Variants in PCDH12 observed in about 807,000 individuals in gnomAD.
PCDH12 encodes the protein protocadherin 12, also known as protocadherin-12.
PCDH12 carries 45 observed loss-of-function variants against 70.9 expected under a neutral mutation model. The observed-to-expected ratio is 0.63, with a 90% confidence interval of 0.50 to 0.81. PCDH12 has a LOEUF of 0.81. Among genes scored for constraint, PCDH12 ranks in the 40% least tolerant of loss-of-function variants. The pLI, the probability that PCDH12 is intolerant of heterozygous loss-of-function variation, is 0.00. For synonymous variants in PCDH12, 567 were observed against 626.0 expected (o/e 0.91, Z 1.41); for missense variants, 1,370 against 1,491.7 (o/e 0.92, Z 1.34).
chr5:141,948,797 TC>T (rs1393023312), intron 3 of PCDH12, among the ~76,000 whole-genome samples: 6 of 152,170 alleles, frequency 3.9e-5, no homozygotes, highest in Non-Finnish European at 8.8e-5. Context: ...GTAATAATTA[TC>T]TACTTGAGGG....
intron 2 of PCDH12, among the ~76,000 whole-genome samples, chr5:141,949,876 C>T (rs567509285): frequency 6.6e-6 from 1 of 152,314 alleles, no homozygotes; most frequent in African/African-American, 2.4e-5. Flanking sequence ...AAGCACTCAG[C>T]AGACAGAAGT....
rs1471686946 is a variant in PCDH12, at chr5:141,944,412, A to G, written c.*969T>C. 6.6e-6 allele frequency: 1 copy of G among 152,262 alleles called. No individual in the cohort carries two copies. Among genetic ancestry groups the G allele is most frequent in the Non-Finnish European group, 1.5e-5 (1 of 68,098 alleles). 9.4% of individuals were successfully genotyped at this position (152,262 alleles called of 1,614,324 possible). ...TGGCTTTGGAAATGTTCCTTTCAAC[A>G]GTGTTTCCCGAGGGAGCTCGAGCAA... On this transcript the variant is annotated 3_prime_UTR_variant, in exon 4 of 4. Coordinates refer to ENST00000231484, the MANE Select transcript of PCDH12 (RefSeq NM_016580.4).
At chr5:141,948,940 C>T (rs182925946) in intron 3 of PCDH12, among the ~76,000 whole-genome samples, 260 of 151,896 alleles carry the variant, frequency 1.7e-3, no homozygotes, top group Non-Finnish European at 3.2e-3. Flanking sequence ...GCTTTGATTA[C>T]AGGTGGCTCA....
Position 141,955,094 on chromosome 5 carries a change from C to G in PCDH12, c.2758G>C (p.Val920Leu). The part of the protein sequence containing the change: ...LRRQRHLNGK[V>L]SPEKESGPRQ... ...GGCCCTGATTCTTTCTCAGGGGACA[C>G]TTTGCCATTGAGATGTCGCTGCCGT... Residue 920 changes from valine (V) to leucine (L), a missense_variant, in exon 1 of 4, where the codon GTG (valine) becomes CTG (leucine). By Grantham distance (32) the Val-to-Leu change is conservative. Coordinates refer to ENST00000231484, the MANE Select transcript of PCDH12 (RefSeq NM_016580.4). This position sits in a 1 kb window ranked among gnomAD's most constrained non-coding sequence, Gnocchi z 5.5. 6 of 1,614,246 alleles carry G rather than the reference C, an allele frequency of 3.7e-6. No homozygotes were observed. The highest frequency in any genetic ancestry group is 5.1e-6 in the Non-Finnish European group (6 of 1,180,056).
intron 2 of PCDH12, among the ~76,000 whole-genome samples, chr5:141,949,930 C>A (rs953147131): frequency 6.6e-6 from 1 of 152,172 alleles, no homozygotes. Flanking sequence ...CCTCCCATGT[C>A]TAGGTATTGC....
rs1752887905 is a variant in PCDH12 at position 141,945,450 on chromosome 5, C to T, written c.3486G>A (p.Gly1162=). Reference sequence around the variant, plus strand: ...CAGTCCCCGTCTTTCCACCTGGGTCCCCTTGCACTTTCATGCCTGAGGCTG... The same window carrying T: ...CAGTCCCCGTCTTTCCACCTGGGTCTCCTTGCACTTTCATGCCTGAGGCTG... The part of the protein sequence containing the change: ...TSAASGMKVQ[G]DPGGKTGTEG... Residue 1162 remains glycine (G), a synonymous_variant, in exon 4 of 4, where the codon GGG becomes GGA. Transcript: ENST00000231484. The T allele has an allele frequency of 2.5e-6, 4 of 1,613,320 alleles. No individual in the cohort carries two copies. The highest frequency in any genetic ancestry group is 3.4e-6 in the Non-Finnish European group (4 of 1,179,686).
chr5:141,954,269 G>T (rs1561535497), intron 1 of PCDH12, among the ~76,000 whole-genome samples: 1 of 152,274 alleles, frequency 6.6e-6, no homozygotes, highest in East Asian at 1.9e-4. Context: ...GAAAGCTCTG[G>T]GGTCTCAGAC....
In PCDH12 at chr5:141,956,932, C is replaced by A; in HGVS notation, c.920G>T (p.Arg307Leu). The A allele has an allele frequency of 6.2e-7, 1 of 1,614,106 alleles. No individual in the cohort carries two copies. Among genetic ancestry groups the A allele is most frequent in the Non-Finnish European group, 8.5e-7 (1 of 1,180,000 alleles). The change falls in exon 1 of 4, where the codon CGT becomes CTT. Residue 307 changes from arginine to leucine, a missense_variant. Physicochemically the swap from Arg to Leu is moderately radical, Grantham distance 102 (BLOSUM62 -2). Transcript: ENST00000231484. ...GTTCTTTTCATAGTCTAGAGGTCGACGCAGAATGACCTGGCCTGTCTTGGC... is the reference window on the plus strand; with the variant it reads ...GTTCTTTTCATAGTCTAGAGGTCGAAGCAGAATGACCTGGCCTGTCTTGGC... The part of the protein sequence containing the change: ...IDAKTGQVIL[R>L]RPLDYEKNPA...
intron 3 of PCDH12, among the ~76,000 whole-genome samples, chr5:141,947,809 C>T (rs111790700): frequency 0.028 from 4,206 of 152,258 alleles, 206 homozygotes; most frequent in African/African-American, 0.096. Context: ...GGCAGTCCAG[C>T]CTGTGAGCAG....
chr5:141,947,694 A>G (rs969192538), intron 3 of PCDH12, among the ~76,000 whole-genome samples: 32 of 152,198 alleles, frequency 2.1e-4, no homozygotes, highest in Non-Finnish European at 2.8e-4. Context: ...CAACCAGGAA[A>G]ACATTATCAT....
chr5:141,944,874 C>G lies in PCDH12; in HGVS notation c.*507G>C, dbSNP rs952733858. ...AAGGTGCCCCACTCCTGTCCAGGCCCAGTGTGACGGTCTTGCCAGGGATTG... is the reference window on the plus strand; with the variant it reads ...AAGGTGCCCCACTCCTGTCCAGGCCGAGTGTGACGGTCTTGCCAGGGATTG... On this transcript the variant is annotated 3_prime_UTR_variant, in exon 4 of 4. Transcript: ENST00000231484. The G allele has an allele frequency of 6.3e-6, 1 of 159,104 alleles. No homozygotes were observed. The highest frequency in any genetic ancestry group is 1.4e-5 in the Non-Finnish European group (1 of 72,418). The allele number at this position is 159,104 out of a possible 1,614,324, so 9.9% of individuals were successfully genotyped here.
At chr5:141,952,724 TA>T (rs1753109441) in intron 1 of PCDH12, 2 of 152,336 alleles carry the variant, frequency 1.3e-5, no homozygotes, top group African/African-American at 2.4e-5. Flanking sequence ...TCATCTCTAA[TA>T]GGGGGCTAGA....
chr5:141,946,195 G>A (rs758166441), intron 3 of PCDH12, among the ~76,000 whole-genome samples: 2 of 152,166 alleles, frequency 1.3e-5, no homozygotes, highest in Non-Finnish European at 2.9e-5. Flanking sequence ...GAGGATGGAG[G>A]GAAAATCCCT....
At position 141,956,446 on chromosome 5, in the gene PCDH12, G is replaced by T; in HGVS notation, c.1406C>A (p.Thr469Lys). 1 of 1,614,218 alleles carries T rather than the reference G, an allele frequency of 6.2e-7. No homozygotes were observed. The highest frequency in any genetic ancestry group is 1.6e-4 in the Middle Eastern group (1 of 6,062). Residue 469 changes from threonine to lysine, a missense_variant, in exon 1 of 4, where the codon ACG (threonine) becomes AAG (lysine). Coordinates refer to ENST00000231484, the MANE Select transcript of PCDH12 (RefSeq NM_016580.4). ...AAGAGAGGGTAAGTTGTTTTCCCGC[G>T]TGGAGACTTCATACCTGCTTTTCTC... The part of the protein sequence containing the change: ...VFEKSRYEVS[T>K]RENNLPSLHL...
In PCDH12 at chr5:141,956,644, T is replaced by C. The variant is rs1753189390; in HGVS notation, c.1208A>G (p.Lys403Arg). The change falls in exon 1 of 4, where the codon AAA becomes AGA. Residue 403 changes from lysine (K) to arginine (R), a missense_variant. Coordinates refer to ENST00000231484, the MANE Select transcript of PCDH12 (RefSeq NM_016580.4). ...CATGTATGTGTTGCCATTAGTTCTT[T>C]TCAGCCTGAAGTGGCCCAGCTCTTG... ...LSQELGHFRL[K>R]RTNGNTYMLL... 7 of 1,614,098 alleles carry C rather than the reference T, an allele frequency of 4.3e-6. No individual in the cohort carries two copies. Among genetic ancestry groups the C allele is most frequent in the Admixed American group, 1.7e-5 (1 of 60,012 alleles).
At position 141,955,487 on chromosome 5, in the gene PCDH12, A is replaced by G. The variant is rs1478739435; in HGVS notation, c.2365T>C (p.Cys789Arg). 9.3e-6 allele frequency: 15 copies of G among 1,613,954 alleles called. No individual in the cohort carries two copies. The highest frequency in any genetic ancestry group is 1.2e-5 in the Non-Finnish European group (14 of 1,179,994). ...TCTTTGTGGGACTGCCCGACTTCAC[A>G]AGGCTCACCTGCCTGACCCCTGAGC... The part of the protein sequence containing the change: ...PVLRGQAGEP[C>R]EVGQSHKDVD... The change falls in exon 1 of 4, where the codon TGT becomes CGT. Residue 789 changes from cysteine to arginine, a missense_variant. Physicochemically the swap from Cys to Arg is radical, Grantham distance 180 (BLOSUM62 -3). Coordinates refer to ENST00000231484, the MANE Select transcript of PCDH12 (RefSeq NM_016580.4). This position sits in a 1 kb window ranked among gnomAD's most constrained non-coding sequence, Gnocchi z 5.5.
rs952042087 is a variant in PCDH12, at chr5:141,945,055, C to T, written c.*326G>A. ...CCCTGACTCCTGCTACCCAAGAAGGCCACCCTTTCCTGCCTGTGATACTCC... is the reference window on the plus strand; with the variant it reads ...CCCTGACTCCTGCTACCCAAGAAGGTCACCCTTTCCTGCCTGTGATACTCC... On this transcript the variant is annotated 3_prime_UTR_variant, in exon 4 of 4. Transcript: ENST00000231484. 4 of 328,064 alleles carry T rather than the reference C, an allele frequency of 1.2e-5. No homozygotes were observed. The highest frequency in any genetic ancestry group is 8.5e-5 in the African/African-American group (4 of 46,856). 20.3% of individuals were successfully genotyped at this position (328,064 alleles called of 1,614,324 possible). A position where few individuals can be genotyped will look rare whatever the true frequency, so the allele number is the denominator to read the frequency against.
Position 141,956,008 on chromosome 5 carries a change from G to A in PCDH12, c.1844C>T (p.Pro615Leu). 6.2e-7 allele frequency: 1 copy of A among 1,614,182 alleles called. No homozygotes were observed. The highest frequency in any genetic ancestry group is 2.2e-5 in the East Asian group (1 of 44,886). ...TGCCACAATGGTTGTCAAAAGGAATGGCCGGGAGCTGTGAGTGGCCAGTGG... is the reference window on the plus strand; with the variant it reads ...TGCCACAATGGTTGTCAAAAGGAATAGCCGGGAGCTGTGAGTGGCCAGTGG... Reference protein sequence around the residue: ...TPPLATHSSRPFLLTTIVARD... With the variant: ...TPPLATHSSRLFLLTTIVARD... The change falls in exon 1 of 4, where the codon CCA becomes CTA. Residue 615 changes from proline (P) to leucine (L), a missense_variant. Coordinates refer to ENST00000231484, the MANE Select transcript of PCDH12 (RefSeq NM_016580.4).
chr5:141,944,400 GT>G lies in PCDH12; in HGVS notation c.*980del, dbSNP rs1457726887. On this transcript the variant is annotated 3_prime_UTR_variant, in exon 4 of 4. Transcript: ENST00000231484. ...TGCGGGCCTGGATGGCTTTGGAAAT[GT>G]TCCTTTCAACAGTGTTTCCCGAGGG... 2 of 152,296 alleles carry G rather than the reference GT, an allele frequency of 1.3e-5. No homozygotes were observed. Among genetic ancestry groups the G allele is most frequent in the Non-Finnish European group, 2.9e-5 (2 of 68,102 alleles). The allele number at this position is 152,296 out of a possible 1,614,324, so 9.4% of individuals were successfully genotyped here.
Sources: allele counts gnomAD v4.1 joint callset (sites outside exome capture counted in the v4.1 genomes callset), GRCh38; gene constraint gnomAD v4.1.1; non-coding constraint Gnocchi (gnomAD v3.1); transcripts MANE v1.5; gene names NCBI Gene and HGNC (gene_info 2026-07-23, HGNC 2026-07-21).